Variants in ROR2 observed in about 807,000 individuals in gnomAD.
ROR2 encodes tyrosine-protein kinase transmembrane receptor ROR2.
Under a neutral mutation model 74.9 loss-of-function variants are expected in ROR2, and 33 were observed. That is an observed-to-expected ratio of 0.44 (90% confidence interval 0.33 to 0.59). The LOEUF (loss-of-function observed/expected upper bound fraction) is 0.59, where lower values mean the gene tolerates loss of function less well. ROR2 is among the 20% of genes least tolerant of loss of function. The pLI is 0.02. For missense variants in ROR2, 1,216 were observed against 1,313.8 expected, an observed-to-expected ratio of 0.93 and a Z score of 1.15; for synonymous variants, 586 against 558.7, an observed-to-expected ratio of 1.05 and a Z score of -0.69.
chr9:91,911,077 G>T (rs753615670), intron 1 of ROR2, among the ~76,000 whole-genome samples: 6 of 152,186 alleles, frequency 3.9e-5, no homozygotes, highest in Non-Finnish European at 7.4e-5. Flanking sequence ...ACAATACCTG[G>T]GACAAAGGAA....
chr9:91,854,738 G>A (rs114429034), intron 1 of ROR2, among the ~76,000 whole-genome samples: 7 of 152,274 alleles, frequency 4.6e-5, no homozygotes, highest in South Asian at 2.1e-4. Flanking sequence ...AGACCTAAAC[G>A]CTGGATCAAG....
chr9:91,824,182 C>T (rs892082059), intron 1 of ROR2, among the ~76,000 whole-genome samples: 2 of 152,214 alleles, frequency 1.3e-5, no homozygotes, highest in Non-Finnish European at 2.9e-5. Context: ...ACACCATTAC[C>T]GGCATCTTAC....
intron 1 of ROR2, among the ~76,000 whole-genome samples, chr9:91,890,448 T>C (rs1428244363): frequency 1.3e-5 from 2 of 152,228 alleles, no homozygotes; most frequent in African/African-American, 4.8e-5. Flanking sequence ...GTAAGTGTTA[T>C]GGTTTTCTTC....
chr9:91,792,920 A>T (rs1827048569), intron 1 of ROR2, among the ~76,000 whole-genome samples: 1 of 152,176 alleles, frequency 6.6e-6, no homozygotes, highest in Non-Finnish European at 1.5e-5. Context: ...AATGAAACAA[A>T]ACCAAAAAAC....
At chr9:91,891,294 T>C (rs1187173524) in intron 1 of ROR2, among the ~76,000 whole-genome samples, 3 of 151,296 alleles carry the variant, frequency 2.0e-5, no homozygotes, top group African/African-American at 7.3e-5. Context: ...GAGTCTCACT[T>C]GTCACCCAGG....
intron 1 of ROR2, among the ~76,000 whole-genome samples, chr9:91,871,393 G>GAATT (rs1056867975): frequency 6.6e-6 from 1 of 152,218 alleles, no homozygotes; most frequent in Non-Finnish European, 1.5e-5. Context: ...AAAGTTGGCT[G>GAATT]AATTAATTAA....
intron 1 of ROR2, among the ~76,000 whole-genome samples, chr9:91,811,282 C>T: frequency 6.6e-6 from 1 of 152,198 alleles, no homozygotes. Context: ...CCAGACTGCA[C>T]GGGAACCACG....
chr9:91,897,375 G>T (rs1477278291), intron 1 of ROR2, among the ~76,000 whole-genome samples: 1 of 152,222 alleles, frequency 6.6e-6, no homozygotes, highest in Non-Finnish European at 1.5e-5. Flanking sequence ...GGTGATCCAG[G>T]TCTTCTGGCA....
intron 1 of ROR2, among the ~76,000 whole-genome samples, chr9:91,872,247 A>C (rs1269409779): frequency 6.6e-6 from 1 of 152,198 alleles, no homozygotes; most frequent in Non-Finnish European, 1.5e-5. Context: ...AGTTTATGTC[A>C]AAAGGAAAGT....
At chr9:91,729,209 C>CA (rs1474158343) in intron 7 of ROR2, among the ~76,000 whole-genome samples, 1 of 152,046 alleles carries the variant, frequency 6.6e-6, no homozygotes, top group Non-Finnish European at 1.5e-5. Context: ...TGTGTGCTCA[C>CA]ACACAAACTC....
chr9:91,792,682 A>G (rs771157299), intron 1 of ROR2, among the ~76,000 whole-genome samples: 26 of 152,208 alleles, frequency 1.7e-4, no homozygotes, highest in Middle Eastern at 3.2e-3. Flanking sequence ...TATTAATATT[A>G]AGAATATTAA....
At chr9:91,842,074 G>T (rs566232671) in intron 1 of ROR2, among the ~76,000 whole-genome samples, 148 of 152,226 alleles carry the variant, frequency 9.7e-4, no homozygotes, top group Non-Finnish European at 1.9e-3. Flanking sequence ...GATCCATACT[G>T]CCCCTGTGCA....
chr9:91,729,184 A>G (rs762840826), intron 7 of ROR2, among the ~76,000 whole-genome samples: 1 of 152,168 alleles, frequency 6.6e-6, no homozygotes, highest in Non-Finnish European at 1.5e-5. Context: ...AAACCTCGTA[A>G]AAGTCAGGAG....
intron 1 of ROR2, among the ~76,000 whole-genome samples, chr9:91,924,518 G>A (rs559115876): frequency 6.6e-6 from 1 of 152,372 alleles, no homozygotes; most frequent in East Asian, 1.9e-4. Flanking sequence ...TTCAGGCCGG[G>A]CACGATGGCT....
At chr9:91,901,968 G>A (rs1322818647) in intron 1 of ROR2, among the ~76,000 whole-genome samples, 1 of 152,170 alleles carries the variant, frequency 6.6e-6, no homozygotes, top group Non-Finnish European at 1.5e-5. Context: ...CAGAGCCAGA[G>A]GCACTTGAAA....
At chr9:91,779,031 T>C (rs1034618659) in intron 1 of ROR2, among the ~76,000 whole-genome samples, 4 of 152,160 alleles carry the variant, frequency 2.6e-5, no homozygotes, top group Non-Finnish European at 5.9e-5. Flanking sequence ...AGACTAAATA[T>C]AATGTGGTAT....
intron 1 of ROR2, among the ~76,000 whole-genome samples, chr9:91,884,490 A>AC (rs112797080): frequency 6.8e-6 from 1 of 147,702 alleles, no homozygotes; most frequent in Non-Finnish European, 1.5e-5. Context: ...AAAAAAAAAA[A>AC]GGCTTGCGGG....
At chr9:91,926,177 C>G (rs1172199097) in intron 1 of ROR2, among the ~76,000 whole-genome samples, 2 of 151,290 alleles carry the variant, frequency 1.3e-5, no homozygotes, top group East Asian at 3.9e-4. Context: ...GTCAGGAGAT[C>G]GAGACCATCC....
At chr9:91,824,053 T>C (rs1469274373) in intron 1 of ROR2, among the ~76,000 whole-genome samples, 3 of 152,242 alleles carry the variant, frequency 2.0e-5, no homozygotes, top group African/African-American at 7.2e-5. Context: ...CACAGCAGTG[T>C]GTCTAAGTCG....
Sources: allele counts gnomAD v4.1 joint callset (sites outside exome capture counted in the v4.1 genomes callset), GRCh38; gene constraint gnomAD v4.1.1; transcripts MANE v1.5; gene names NCBI Gene and HGNC (gene_info 2026-07-23, HGNC 2026-07-21).